Variants in CNTN1 observed in about 807,000 individuals in gnomAD.
CNTN1 encodes the protein contactin-1.
CNTN1 carries 38 observed loss-of-function variants against 126.4 expected under a neutral mutation model. The ratio of observed to expected loss-of-function variants is 0.30; its 90% CI spans 0.23 to 0.39. CNTN1 has a LOEUF of 0.39. Among genes scored for constraint, CNTN1 ranks in the 10% least tolerant of loss-of-function variants. The pLI is 1.00. For missense variants in CNTN1, 1,009 were observed against 1,248.4 expected, an observed-to-expected ratio of 0.81 and a Z score of 2.89; for synonymous variants, 413 against 422.6, an observed-to-expected ratio of 0.98 and a Z score of 0.28.
intron 1 of CNTN1, among the ~76,000 whole-genome samples, chr12:40,725,679 C>G (rs1942333981): frequency 6.6e-6 from 1 of 152,168 alleles, no homozygotes; most frequent in African/African-American, 2.4e-5. Flanking sequence ...CACAGTTGAC[C>G]TAATCACGAG....
chr12:40,878,615 T>C, intron 1 of CNTN1, among the ~76,000 whole-genome samples: 1 of 152,208 alleles, frequency 6.6e-6, no homozygotes, highest in East Asian at 1.9e-4. Context: ...GTCCATTATG[T>C]GTAATGTTAC....
At chr12:40,906,938 A>G (rs949186150) in intron 1 of CNTN1, among the ~76,000 whole-genome samples, 2 of 152,140 alleles carry the variant, frequency 1.3e-5, no homozygotes, top group Non-Finnish European at 2.9e-5. Flanking sequence ...TCAGCCTCCC[A>G]AAGGGCTGGG....
chr12:40,742,637 T>A (rs1423037469), intron 1 of CNTN1, among the ~76,000 whole-genome samples: 1 of 151,998 alleles, frequency 6.6e-6, no homozygotes, highest in African/African-American at 2.4e-5. Flanking sequence ...ACTTCTGGAC[T>A]CAAGCAATCT....
intron 1 of CNTN1, among the ~76,000 whole-genome samples, chr12:40,732,058 T>C (rs17128701): frequency 0.022 from 3,318 of 152,040 alleles, 52 homozygotes; most frequent in African/African-American, 0.045. Context: ...ACTGAAAAAA[T>C]ATTTGTACTA....
intron 1 of CNTN1, among the ~76,000 whole-genome samples, chr12:40,825,120 T>G (rs1047078613): frequency 2.6e-5 from 4 of 152,106 alleles, no homozygotes; most frequent in Non-Finnish European, 4.4e-5. Context: ...AGGTACACAA[T>G]AAATATTTTT....
intron 23 of CNTN1, among the ~76,000 whole-genome samples, chr12:41,048,945 T>C (rs1392571461): frequency 6.6e-6 from 1 of 152,206 alleles, no homozygotes; most frequent in Non-Finnish European, 1.5e-5. Flanking sequence ...CAATCAGATT[T>C]TCACCACAAC....
At chr12:40,895,924 ATT>A (rs60931034) in intron 1 of CNTN1, 66 of 145,778 alleles carry the variant, frequency 4.5e-4, no homozygotes, top group African/African-American at 1.1e-3. Flanking sequence ...TGCCCAGCTA[ATT>A]TTTTTTTTTT....
chr12:40,720,970 T>C (rs994392278), intron 1 of CNTN1, among the ~76,000 whole-genome samples: 3 of 150,028 alleles, frequency 2.0e-5, no homozygotes, highest in Non-Finnish European at 3.0e-5. Context: ...TATATGTGTA[T>C]ATATGTTATA....
At chr12:40,817,397 T>C (rs1941292424) in intron 1 of CNTN1, among the ~76,000 whole-genome samples, 2 of 152,008 alleles carry the variant, frequency 1.3e-5, no homozygotes, top group African/African-American at 2.4e-5. Context: ...TTTACCATCA[T>C]GCAATACCCT....
intron 1 of CNTN1, among the ~76,000 whole-genome samples, chr12:40,855,852 A>G (rs906557539): frequency 1.3e-5 from 2 of 152,184 alleles, no homozygotes; most frequent in African/African-American, 4.8e-5. Context: ...ATTGTCAAAA[A>G]TTATCTTTAA....
intron 1 of CNTN1, among the ~76,000 whole-genome samples, chr12:40,837,186 G>A (rs1942091751): frequency 6.6e-6 from 1 of 152,098 alleles, no homozygotes; most frequent in African/African-American, 2.4e-5. Flanking sequence ...CTAGAAAGAA[G>A]CCTTTCATGC....
At chr12:40,711,229 C>A (rs1941904968) in intron 1 of CNTN1, among the ~76,000 whole-genome samples, 1 of 152,120 alleles carries the variant, frequency 6.6e-6, no homozygotes, top group South Asian at 2.1e-4. Flanking sequence ...CCTGTCAATT[C>A]TAGAATTCTC....
intron 1 of CNTN1, among the ~76,000 whole-genome samples, chr12:40,766,039 G>A (rs906637191): frequency 2.0e-5 from 3 of 152,084 alleles, no homozygotes; most frequent in Admixed American, 6.5e-5. Flanking sequence ...AGTGCTTGAC[G>A]GTTTTCTTGG....
chr12:40,986,519 G>T (rs576564858), intron 16 of CNTN1, among the ~76,000 whole-genome samples: 2 of 152,102 alleles, frequency 1.3e-5, no homozygotes, highest in South Asian at 4.1e-4. Context: ...ATCAGATTTC[G>T]GCAGACTCTT....
At chr12:40,862,507 T>C (rs367953858) in intron 1 of CNTN1, among the ~76,000 whole-genome samples, 196 of 152,332 alleles carry the variant, frequency 1.3e-3, no homozygotes, top group African/African-American at 4.6e-3. Context: ...TTGGCTTTTT[T>C]TGTTACCCAG....
intron 15 of CNTN1, chr12:40,972,015 C>T: frequency 6.1e-6 from 6 of 986,770 alleles, no homozygotes; most frequent in Non-Finnish European, 6.0e-6. Context: ...TAGTACCATA[C>T]ATATTCTTTG....
At chr12:40,867,840 G>T (rs1409032396) in intron 1 of CNTN1, among the ~76,000 whole-genome samples, 1 of 151,414 alleles carries the variant, frequency 6.6e-6, no homozygotes, top group African/African-American at 2.4e-5. Context: ...GAGTCACACT[G>T]GTTCCTTTCT....
intron 1 of CNTN1, among the ~76,000 whole-genome samples, chr12:40,759,153 C>T (rs1320344841): frequency 6.6e-6 from 1 of 152,172 alleles, no homozygotes; most frequent in Non-Finnish European, 1.5e-5. Context: ...ATCCATTTGC[C>T]TCAGCCTCCC....
At chr12:40,823,202 A>T (rs1420640262) in intron 1 of CNTN1, among the ~76,000 whole-genome samples, 1 of 152,028 alleles carries the variant, frequency 6.6e-6, no homozygotes, top group African/African-American at 2.4e-5. Flanking sequence ...GATTACTATA[A>T]ATACTTTTTA....
Sources: gnomAD v4.1 joint callset for allele counts (sites outside exome capture counted in the v4.1 genomes callset) on GRCh38, gnomAD v4.1.1 for gene constraint, MANE v1.5 for transcripts, NCBI Gene and HGNC (gene_info 2026-07-23, HGNC 2026-07-21) for gene names.